Variants in ACTG2 observed in about 807,000 individuals in gnomAD.
ACTG2 encodes actin gamma 2, smooth muscle, also known as actin, gamma-enteric smooth muscle.
Under a neutral mutation model 37.6 loss-of-function variants are expected in ACTG2, and 16 were observed. The observed-to-expected ratio is 0.43, with a 90% confidence interval of 0.29 to 0.65. The LOEUF (loss-of-function observed/expected upper bound fraction) is 0.65, where lower values mean the gene tolerates loss of function less well. Ranked by LOEUF, ACTG2 falls within the 30% of genes least tolerant of loss-of-function variation. ACTG2 has a pLI of 0.18. For synonymous variants in ACTG2, 181 were observed against 179.9 expected, an observed-to-expected ratio of 1.01 and a Z score of -0.05; for missense variants, 238 against 490.9, an observed-to-expected ratio of 0.48 and a Z score of 4.87.
Position 73,911,389 on chromosome 2 carries a change from C to T in ACTG2, c.452-2096C>T, listed in dbSNP as rs994854045. Among the ~76,000 whole-genome samples, 8 of 151,828 alleles carry T rather than the reference C, an allele frequency of 5.3e-5. No homozygotes were observed. In the East Asian group the frequency reaches 7.8e-4, roughly 15 times the overall value. On this transcript the variant is annotated intron_variant, in intron 5 of 8. Coordinates refer to ENST00000345517, the MANE Select transcript of ACTG2 (RefSeq NM_001615.4). Reference sequence around the variant, plus strand: ...GCTCACGCCTGTAGTCCCAGCTACTCGGTAGGCTGAAGCTGGAGAATTGCT... The same window carrying T: ...GCTCACGCCTGTAGTCCCAGCTACTTGGTAGGCTGAAGCTGGAGAATTGCT...
intron 1 of ACTG2, among the ~76,000 whole-genome samples, chr2:73,895,771 G>C (rs1679733468): frequency 6.6e-6 from 1 of 152,212 alleles, no homozygotes; most frequent in Non-Finnish European, 1.5e-5. Context: ...AGAAGAGTAA[G>C]AGAGATTAAT....
chr2:73,901,100 C>T (rs1304817464), intron 1 of ACTG2, among the ~76,000 whole-genome samples, 176 bp from the exon 2 acceptor site: 3 of 152,140 alleles, frequency 2.0e-5, no homozygotes, highest in Non-Finnish European at 2.9e-5. Context: ...ACACAATTCA[C>T]ATTTCAGGGC....
At chr2:73,918,514 C>T (rs917733076) in intron 8 of ACTG2, among the ~76,000 whole-genome samples, 12 of 152,188 alleles carry the variant, frequency 7.9e-5, no homozygotes, top group South Asian at 2.1e-4. Flanking sequence ...AGAGATTCTA[C>T]GGCAACAAAA....
At chr2:73,901,229 T>C in intron 1 of ACTG2, 47 bp from the exon 2 acceptor site, 1 of 1,412,260 alleles carries the variant, frequency 7.1e-7, no homozygotes, top group Non-Finnish European at 9.4e-7. Flanking sequence ...GTCTCCAAAC[T>C]GATTTGACAA....
rs1679915602 is a variant in ACTG2, at chr2:73,902,555, A to G, written c.255+67A>G. ...ACCCATCATCATGACCCTCGTATTC[A>G]TAGGCCACTGTGCTCTGTCAACTCT... On this transcript the variant is annotated intron_variant, in intron 3 of 8. Coordinates refer to ENST00000345517, the MANE Select transcript of ACTG2 (RefSeq NM_001615.4). 4 of 1,598,970 alleles carry G rather than the reference A, an allele frequency of 2.5e-6. No homozygotes were observed. In the African/African-American group the frequency reaches 5.4e-5, roughly 21 times the overall value.
At chr2:73,917,314 G>A (rs1178863495) in intron 8 of ACTG2, among the ~76,000 whole-genome samples, 2 of 152,206 alleles carry the variant, frequency 1.3e-5, no homozygotes, top group African/African-American at 2.4e-5. Flanking sequence ...TCCGAAGGAG[G>A]GTAAAAGTTC....
chr2:73,917,963 A>G (rs945373512), intron 8 of ACTG2, among the ~76,000 whole-genome samples: 2 of 152,200 alleles, frequency 1.3e-5, no homozygotes, highest in African/African-American at 4.8e-5. Context: ...CCCATCACCT[A>G]CACTGATAAA....
At chr2:73,902,824 AG>A in intron 3 of ACTG2, 1 of 1,494,742 alleles carries the variant, frequency 6.7e-7, no homozygotes, top group Non-Finnish European at 9.0e-7. Context: ...ATTAACCAAC[AG>A]GGGGTTCCTA....
chr2:73,901,442 G>C lies in ACTG2; in HGVS notation c.126+5G>C. On this transcript the variant is annotated splice_donor_5th_base_variant and intron_variant, in intron 2 of 8. Coordinates refer to ENST00000345517, the MANE Select transcript of ACTG2 (RefSeq NM_001615.4). ...GTGGGCCGCCCTCGCCACCAGGTGC[G>C]TGCTCATCTGGATACCACCAGGCTT... 1 of 1,613,878 alleles carries C rather than the reference G, an allele frequency of 6.2e-7. No homozygotes were observed. The highest frequency in any genetic ancestry group is 8.5e-7 in the Non-Finnish European group (1 of 1,179,952).
chr2:73,903,606 A>G (rs898075973), intron 3 of ACTG2, among the ~76,000 whole-genome samples: 1 of 152,230 alleles, frequency 6.6e-6, no homozygotes, highest in Non-Finnish European at 1.5e-5. Flanking sequence ...GTGCTCAATA[A>G]GTGACACATA....
At chr2:73,911,688 G>A (rs573023998) in intron 5 of ACTG2, among the ~76,000 whole-genome samples, 2 of 152,320 alleles carry the variant, frequency 1.3e-5, no homozygotes, top group African/African-American at 4.8e-5. Flanking sequence ...TGTCAGCTAT[G>A]ATGTCACTAG....
chr2:73,895,902 A>C (rs831535), intron 1 of ACTG2, among the ~76,000 whole-genome samples: 73,869 of 152,104 alleles, frequency 0.49, 19,218 homozygotes, highest in Admixed American at 0.63. Context: ...CCATTGTAAC[A>C]AAAGCAGCCA....
At chr2:73,906,427 G>C (rs1410869610) in intron 3 of ACTG2, among the ~76,000 whole-genome samples, 2 of 151,400 alleles carry the variant, frequency 1.3e-5, no homozygotes, top group African/African-American at 4.9e-5. Context: ...CTCCAGCCTG[G>C]GCGACAGAGC....
At position 73,901,305 on chromosome 2, in the gene ACTG2, A is replaced by T; in HGVS notation, c.-7A>T. ...TCCAGTCCCCAGCTCACTCAGCCAC[A>T]CACACCATGTGTGAAGAGGAGACCA... On this transcript the variant is annotated 5_prime_UTR_variant, in exon 2 of 9. Coordinates refer to ENST00000345517, the MANE Select transcript of ACTG2 (RefSeq NM_001615.4). The T allele has an allele frequency of 6.3e-7, 1 of 1,592,052 alleles. No individual in the cohort carries two copies. Among genetic ancestry groups the T allele is most frequent in the Admixed American group, 1.7e-5 (1 of 58,498 alleles).
intron 8 of ACTG2, 62 bp from the exon 9 acceptor site, chr2:73,919,370 T>C: frequency 6.4e-7 from 1 of 1,556,360 alleles, no homozygotes; most frequent in Non-Finnish European, 8.7e-7. Flanking sequence ...AAGTAGATTT[T>C]TGGACCACCT....
chr2:73,894,442 G>A (rs974031978), intron 1 of ACTG2, among the ~76,000 whole-genome samples: 8 of 152,166 alleles, frequency 5.3e-5, no homozygotes, highest in African/African-American at 9.7e-5. Flanking sequence ...GGGATGGGCC[G>A]TGTGACATCA....
intron 3 of ACTG2, among the ~76,000 whole-genome samples, chr2:73,904,714 C>A (rs899360802): frequency 1.5e-5 from 2 of 137,904 alleles, no homozygotes; most frequent in South Asian, 2.3e-4. Flanking sequence ...ATTATATAAT[C>A]ATTTCATTAT....
chr2:73,913,758 G>C, intron 6 of ACTG2, 112 bp downstream of exon 6: 4 of 960,712 alleles, frequency 4.2e-6, no homozygotes, highest in Non-Finnish European at 6.3e-6. Context: ...AAACTCTCCT[G>C]AGATAGACTG....
At chr2:73,906,758 A>G (rs149192957) in intron 3 of ACTG2, among the ~76,000 whole-genome samples, 19 of 152,316 alleles carry the variant, frequency 1.2e-4, no homozygotes, top group African/African-American at 3.6e-4. Flanking sequence ...GATTACAGGC[A>G]TAAGTCACCA....
Sources: gnomAD v4.1 joint callset for allele counts (sites outside exome capture counted in the v4.1 genomes callset) on GRCh38, gnomAD v4.1.1 for gene constraint, MANE v1.5 for transcripts, NCBI Gene and HGNC (gene_info 2026-07-23, HGNC 2026-07-21) for gene names.